RBFOX1: variants seen among roughly 807,000 people sequenced by gnomAD.
The protein encoded by RBFOX1 is RNA binding fox-1 homolog 1.
In RBFOX1, 8 loss-of-function variants were observed where a neutral mutation model predicts 57.7. That is an observed-to-expected ratio of 0.14 (90% CI 0.08 to 0.25). The LOEUF (loss-of-function observed/expected upper bound fraction) is 0.25, where lower values mean the gene tolerates loss of function less well. Ranked by LOEUF, RBFOX1 falls within the 10% of genes least tolerant of loss-of-function variation. The probability of loss-of-function intolerance (pLI) is 1.00; values close to 1 mark genes in which losing one functional copy is unlikely to be tolerated. For missense variants in RBFOX1, 611 were observed against 548.5 expected, an observed-to-expected ratio of 1.11 and a Z score of -1.14; for synonymous variants, 326 against 222.4, an observed-to-expected ratio of 1.47 and a Z score of -4.15.
Position 6,448,156 on chromosome 16 carries a change from C to CTTTTTTTTTTTTTTTTTTT in RBFOX1, c.-64+131102_-64+131120dup, listed in dbSNP as rs397969435. ...TTCTTTTTTTTCTTTTCTTTTCTTT[C>CTTTTTTTTTTTTTTTTTTT]TTTTTTTTTTTTTTTTTTTTTGAGA... On this transcript the variant is annotated intron_variant, in intron 2 of 15. Transcript: ENST00000550418. 6.6e-4 allele frequency among the ~76,000 whole-genome samples: 52 copies of CTTTTTTTTTTTTTTTTTTT among 78,462 alleles called. 3 individuals carry two copies. The highest frequency in any genetic ancestry group is 1.2e-3 in the Admixed American group (6 of 5,116). 51.5% of individuals were successfully genotyped at this position (78,462 alleles called of 152,430 possible).
intron 2 of RBFOX1, among the ~76,000 whole-genome samples, chr16:6,623,054 C>T (rs545260285): frequency 1.3e-4 from 20 of 152,262 alleles, no homozygotes; most frequent in African/African-American, 4.1e-4. Context: ...TTTGTCAGTC[C>T]GCCATCGACA....
intron 2 of RBFOX1, among the ~76,000 whole-genome samples, chr16:6,615,277 T>G (rs2098125857): frequency 6.6e-6 from 1 of 152,114 alleles, no homozygotes; most frequent in South Asian, 2.1e-4. Flanking sequence ...TGCTAATAAT[T>G]CCAAAATACA....
At chr16:5,957,479 C>T (rs2059667723) in intron 4 of RBFOX1, among the ~76,000 whole-genome samples, 1 of 152,124 alleles carries the variant, frequency 6.6e-6, no homozygotes, top group African/African-American at 2.4e-5. Flanking sequence ...CCTGACTCGG[C>T]CTCCCAAAGT....
intron 3 of RBFOX1, among the ~76,000 whole-genome samples, chr16:6,856,165 C>G (rs552501189): frequency 1.3e-5 from 2 of 151,262 alleles, no homozygotes; most frequent in South Asian, 2.1e-4. Flanking sequence ...TCCTTGCTTC[C>G]TTTCCTTCCC....
intron 2 of RBFOX1, among the ~76,000 whole-genome samples, chr16:5,475,842 C>A (rs929788037): frequency 3.3e-5 from 5 of 152,052 alleles, no homozygotes; most frequent in Non-Finnish European, 2.9e-5. Context: ...CTATGTTATC[C>A]AGGCCGAAGT....
intron 2 of RBFOX1, among the ~76,000 whole-genome samples, chr16:5,526,170 T>G (rs2044237228): frequency 6.6e-6 from 1 of 152,154 alleles, no homozygotes; most frequent in African/African-American, 2.4e-5. Flanking sequence ...TTCCCTGATG[T>G]TCATGGGTTA....
chr16:7,092,567 T>A (rs140218969), intron 4 of RBFOX1, among the ~76,000 whole-genome samples: 1,590 of 152,358 alleles, frequency 0.01, 16 homozygotes, highest in Non-Finnish European at 0.016. Context: ...TTGTTTCTGC[T>A]TATAAAAATC....
intron 1 of RBFOX1, among the ~76,000 whole-genome samples, chr16:5,438,744 G>C (rs1269071054): frequency 6.6e-6 from 1 of 152,102 alleles, no homozygotes; most frequent in Non-Finnish European, 1.5e-5. Flanking sequence ...TTCTACCCTG[G>C]CCTGTGAGTA....
intron 4 of RBFOX1, among the ~76,000 whole-genome samples, chr16:7,335,409 G>C (rs534050338): frequency 7.2e-5 from 11 of 152,282 alleles, no homozygotes; most frequent in African/African-American, 2.4e-4. Context: ...TGGAGATGTT[G>C]AAACAGAGTT....
chr16:5,659,905 T>C (rs2049589800), intron 3 of RBFOX1, among the ~76,000 whole-genome samples: 1 of 152,186 alleles, frequency 6.6e-6, no homozygotes, highest in Non-Finnish European at 1.5e-5. Flanking sequence ...ATGGTGGTTA[T>C]TAGGTGTGCT....
intron 5 of RBFOX1, among the ~76,000 whole-genome samples, chr16:7,571,967 C>A (rs925771133): frequency 8.5e-5 from 13 of 152,234 alleles, no homozygotes; most frequent in African/African-American, 2.9e-4. Flanking sequence ...TGTCTCTATT[C>A]AATCTAAAAA....
At chr16:6,111,943 A>G (rs772300659) in intron 1 of RBFOX1, among the ~76,000 whole-genome samples, 8 of 152,228 alleles carry the variant, frequency 5.3e-5, no homozygotes, top group Non-Finnish European at 8.8e-5. Context: ...TTTGGACTTA[A>G]GAAACATATG....
intron 4 of RBFOX1, among the ~76,000 whole-genome samples, chr16:7,435,405 C>T (rs761056347): frequency 6.6e-5 from 10 of 151,920 alleles, no homozygotes; most frequent in African/African-American, 1.2e-4. Flanking sequence ...AATGACTTAT[C>T]GCTGTTGATG....
At chr16:6,457,192 T>G (rs2094794621) in intron 2 of RBFOX1, among the ~76,000 whole-genome samples, 1 of 152,160 alleles carries the variant, frequency 6.6e-6, no homozygotes, top group South Asian at 2.1e-4. Flanking sequence ...AAAGGATTTA[T>G]AAGACAGTCT....
chr16:6,464,791 T>C (rs2095003811), intron 2 of RBFOX1, among the ~76,000 whole-genome samples: 1 of 152,260 alleles, frequency 6.6e-6, no homozygotes, highest in South Asian at 2.1e-4. Context: ...CTTGGCTGAA[T>C]GTATTTCACC....
intron 3 of RBFOX1, among the ~76,000 whole-genome samples, chr16:6,754,306 A>G (rs188610037): frequency 1.4e-4 from 22 of 152,302 alleles, no homozygotes; most frequent in African/African-American, 5.1e-4. Flanking sequence ...AATATCCTCA[A>G]TCCAAATTGC....
chr16:6,332,572 G>T (rs140261228), intron 2 of RBFOX1, among the ~76,000 whole-genome samples: 1 of 152,156 alleles, frequency 6.6e-6, no homozygotes, highest in Non-Finnish European at 1.5e-5. Flanking sequence ...TTCATAAAAT[G>T]TTCATGTCAC....
chr16:6,174,334 C>T (rs1393053540), intron 1 of RBFOX1, among the ~76,000 whole-genome samples: 1 of 152,142 alleles, frequency 6.6e-6, no homozygotes, highest in Non-Finnish European at 1.5e-5. Flanking sequence ...GTGGCTCATG[C>T]CTGTCATCTG....
chr16:5,794,129 C>T (rs552977471), intron 3 of RBFOX1, among the ~76,000 whole-genome samples: 8 of 152,296 alleles, frequency 5.3e-5, no homozygotes, highest in African/African-American at 1.7e-4. Flanking sequence ...ATGATTTAAT[C>T]TCTTGGGGCT....
Sources: allele counts gnomAD v4.1 joint callset (sites outside exome capture counted in the v4.1 genomes callset), GRCh38; gene constraint gnomAD v4.1.1; transcripts MANE v1.5; gene names NCBI Gene and HGNC (gene_info 2026-07-23, HGNC 2026-07-21).